ATP8A1: variants seen among roughly 807,000 people sequenced by gnomAD.
ATP8A1 encodes ATPase phospholipid transporting 8A1.
Under a neutral mutation model 177.7 loss-of-function variants are expected in ATP8A1, and 90 were observed. The observed-to-expected ratio is 0.51, with a 90% CI of 0.43 to 0.60. The LOEUF (loss-of-function observed/expected upper bound fraction) is 0.60. Ranked by LOEUF, ATP8A1 falls within the 20% of genes least tolerant of loss-of-function variation. The probability of loss-of-function intolerance (pLI) is 0.00; values close to 1 mark genes in which losing one functional copy is unlikely to be tolerated. For synonymous variants in ATP8A1, 493 were observed against 485.9 expected (o/e 1.01, Z -0.19); for missense variants, 1,072 against 1,392.8 (o/e 0.77, Z 3.67).
intron 9 of ATP8A1, among the ~76,000 whole-genome samples, chr4:42,585,367 A>G (rs1275276149): frequency 6.6e-6 from 1 of 151,650 alleles, no homozygotes; most frequent in Non-Finnish European, 1.5e-5. Flanking sequence ...AAGTAAGCTC[A>G]CAAGGTGCTA....
chr4:42,444,449 A>G (rs755050921), intron 32 of ATP8A1, 129 bp downstream of exon 32: 5 of 853,578 alleles, frequency 5.9e-6, no homozygotes, highest in African/African-American at 1.7e-5. Context: ...ACACCCCACA[A>G]TTGAAAACCT....
At chr4:42,519,824 C>T (rs1446528230) in intron 22 of ATP8A1, among the ~76,000 whole-genome samples, 2 of 152,084 alleles carry the variant, frequency 1.3e-5, no homozygotes, top group African/African-American at 2.4e-5. Flanking sequence ...TATAAATTCC[C>T]GTTTTCATTT....
At chr4:42,473,712 C>A (rs1031001294) in intron 25 of ATP8A1, among the ~76,000 whole-genome samples, 1 of 152,042 alleles carries the variant, frequency 6.6e-6, no homozygotes, top group Non-Finnish European at 1.5e-5. Context: ...GTGGCACAAT[C>A]TTGGCTCACT....
At chr4:42,447,349 AT>A (rs1170502068) in intron 30 of ATP8A1, among the ~76,000 whole-genome samples, 1 of 151,788 alleles carries the variant, frequency 6.6e-6, no homozygotes, top group Non-Finnish European at 1.5e-5. Flanking sequence ...TGCCCAGCTA[AT>A]TTTGTTATTT....
chr4:42,443,887 G>A (rs550026430), intron 32 of ATP8A1, among the ~76,000 whole-genome samples: 28 of 152,106 alleles, frequency 1.8e-4, no homozygotes, highest in African/African-American at 5.5e-4. Flanking sequence ...CTGGAATTTC[G>A]AACTGTTCCT....
chr4:42,558,591 G>A (rs1577585498), intron 15 of ATP8A1, among the ~76,000 whole-genome samples: 2 of 152,114 alleles, frequency 1.3e-5, no homozygotes, highest in Non-Finnish European at 2.9e-5. Flanking sequence ...AATCAGTATA[G>A]TTGTCCTTGC....
intron 24 of ATP8A1, among the ~76,000 whole-genome samples, chr4:42,489,679 A>G (rs1054300296): frequency 5.3e-5 from 8 of 152,170 alleles, no homozygotes; most frequent in Non-Finnish European, 1.2e-4. Flanking sequence ...TACTGCCGGG[A>G]GTATTTTCAA....
intron 27 of ATP8A1, 95 bp downstream of exon 27, chr4:42,464,595 A>G (rs1719528325): frequency 1.4e-6 from 1 of 706,400 alleles, no homozygotes; most frequent in Admixed American, 2.9e-5. Context: ...GGCAAATAAA[A>G]TATTAATTAA....
At chr4:42,628,816 A>C (rs1738399869) in intron 1 of ATP8A1, among the ~76,000 whole-genome samples, 1 of 152,160 alleles carries the variant, frequency 6.6e-6, no homozygotes, top group African/African-American at 2.4e-5. Context: ...GATTAGAGAG[A>C]GAGCCTCAAA....
At chr4:42,505,448 T>C (rs1724270977) in intron 23 of ATP8A1, among the ~76,000 whole-genome samples, 1 of 152,222 alleles carries the variant, frequency 6.6e-6, no homozygotes, top group Non-Finnish European at 1.5e-5. Context: ...TTGTAGTCTG[T>C]TTTATCATAT....
intron 19 of ATP8A1, among the ~76,000 whole-genome samples, chr4:42,547,863 T>G (rs181038437): frequency 6.6e-6 from 1 of 152,220 alleles, no homozygotes; most frequent in Non-Finnish European, 1.5e-5. Context: ...ATGTACAAGT[T>G]TGTCTTATGC....
At chr4:42,545,582 G>A (rs1460513749) in intron 19 of ATP8A1, among the ~76,000 whole-genome samples, 1 of 152,166 alleles carries the variant, frequency 6.6e-6, no homozygotes, top group African/African-American at 2.4e-5. Flanking sequence ...GCACTGTGCA[G>A]GGCTACAGCA....
At chr4:42,468,014 A>C (rs1372798648) in intron 25 of ATP8A1, among the ~76,000 whole-genome samples, 2 of 152,170 alleles carry the variant, frequency 1.3e-5, no homozygotes, top group Non-Finnish European at 2.9e-5. Context: ...ATGCAAATCA[A>C]AACCACAATG....
chr4:42,617,672 A>C (rs1482602802), intron 4 of ATP8A1, among the ~76,000 whole-genome samples: 1 of 152,248 alleles, frequency 6.6e-6, no homozygotes, highest in Non-Finnish European at 1.5e-5. Context: ...TTAGATTTCC[A>C]ACTAAAGGAG....
chr4:42,461,248 C>CTT (rs1203816277), intron 27 of ATP8A1, among the ~76,000 whole-genome samples: 47 of 75,054 alleles, frequency 6.3e-4, no homozygotes, highest in African/African-American at 3.2e-3. Context: ...TTTTTTCTTT[C>CTT]TTTTTTTTTT....
At chr4:42,472,747 C>CAAAAAAAA (rs11315234) in intron 25 of ATP8A1, among the ~76,000 whole-genome samples, 1 of 111,040 alleles carries the variant, frequency 9.0e-6, no homozygotes, top group East Asian at 2.4e-4. Flanking sequence ...GAGACTGTCT[C>CAAAAAAAA]AAAAAAAAAA....
chr4:42,590,902 A>C lies in ATP8A1; in HGVS notation c.451-18T>G. 1 of 1,551,084 alleles carries C rather than the reference A, an allele frequency of 6.4e-7. No individual in the cohort carries two copies. The highest frequency in any genetic ancestry group is 8.7e-7 in the Non-Finnish European group (1 of 1,150,166). Reference sequence around the variant, plus strand: ...ACTGCCACCTACACGTCCCAGTATAAAATAATTAAAATGGCCAAAAAAAAA... The same window carrying C: ...ACTGCCACCTACACGTCCCAGTATACAATAATTAAAATGGCCAAAAAAAAA... On this transcript the variant is annotated intron_variant, in intron 6 of 36. Coordinates refer to ENST00000381668, the MANE Select transcript of ATP8A1 (RefSeq NM_006095.2).
chr4:42,474,528 C>T (rs371545558), intron 25 of ATP8A1, among the ~76,000 whole-genome samples: 3 of 152,208 alleles, frequency 2.0e-5, no homozygotes, highest in Admixed American at 1.3e-4. Flanking sequence ...AGAATTCCTA[C>T]GCATGCCTTG....
chr4:42,545,493 C>CA (rs529824301), intron 19 of ATP8A1, among the ~76,000 whole-genome samples: 1 of 152,146 alleles, frequency 6.6e-6, no homozygotes, highest in South Asian at 2.1e-4. Context: ...TAGAGACTAG[C>CA]AAATACATGA....
Sources: gnomAD v4.1 joint callset for allele counts (sites outside exome capture counted in the v4.1 genomes callset) on GRCh38, gnomAD v4.1.1 for gene constraint, MANE v1.5 for transcripts, NCBI Gene and HGNC (gene_info 2026-07-23, HGNC 2026-07-21) for gene names.